Variants in CDH6 observed in about 807,000 individuals in gnomAD.
The protein encoded by CDH6 is cadherin-6.
In CDH6, 31 loss-of-function variants were observed where a neutral mutation model predicts 78.0. That is an observed-to-expected ratio of 0.40 (90% CI 0.30 to 0.54). The LOEUF is 0.54. Among genes scored for constraint, CDH6 ranks in the 20% least tolerant of loss-of-function variants. CDH6 has a pLI of 0.56. For synonymous variants in CDH6, 376 were observed against 368.8 expected (o/e 1.02, Z -0.23); for missense variants, 724 against 975.9 (o/e 0.74, Z 3.44).
chr5:31,252,516 T>C (rs1309370123), intron 1 of CDH6, among the ~76,000 whole-genome samples: 2 of 152,214 alleles, frequency 1.3e-5, no homozygotes, highest in African/African-American at 4.8e-5. Flanking sequence ...CAGTAGTTTA[T>C]AGAGCTAAAT....
chr5:31,270,395 T>A (rs1045441520), intron 2 of CDH6, among the ~76,000 whole-genome samples: 2 of 152,128 alleles, frequency 1.3e-5, no homozygotes, highest in Admixed American at 6.5e-5. Context: ...ACAAAAAAAA[T>A]TATTTCACTC....
chr5:31,258,403 C>T (rs1401754956), intron 1 of CDH6, among the ~76,000 whole-genome samples: 1 of 152,072 alleles, frequency 6.6e-6, no homozygotes, highest in African/African-American at 2.4e-5. Flanking sequence ...AACCAAACAC[C>T]GCATGTTCTC....
intron 9 of CDH6, among the ~76,000 whole-genome samples, chr5:31,316,560 T>G (rs1895118): frequency 1.9e-3 from 290 of 152,356 alleles, no homozygotes; most frequent in African/African-American, 6.3e-3. Flanking sequence ...CTTAAGTTTT[T>G]ATTAAATAGA....
intron 2 of CDH6, among the ~76,000 whole-genome samples, chr5:31,292,742 A>G (rs1234008339): frequency 8.1e-6 from 1 of 123,914 alleles, no homozygotes; most frequent in Non-Finnish European, 1.6e-5. Flanking sequence ...AAACCTGCAG[A>G]CTGAATATAT....
intron 2 of CDH6, among the ~76,000 whole-genome samples, chr5:31,288,279 A>T (rs1196684792): frequency 6.6e-6 from 1 of 152,240 alleles, no homozygotes; most frequent in Non-Finnish European, 1.5e-5. Flanking sequence ...AATTGGTAAA[A>T]TAATCATCAC....
chr5:31,215,101 A>G (rs1237064952), intron 1 of CDH6, among the ~76,000 whole-genome samples: 1 of 152,206 alleles, frequency 6.6e-6, no homozygotes, highest in Non-Finnish European at 1.5e-5. Flanking sequence ...AGTAAGCACA[A>G]TCAACTAGTT....
At chr5:31,284,320 G>C (rs1166500198) in intron 2 of CDH6, among the ~76,000 whole-genome samples, 1 of 152,186 alleles carries the variant, frequency 6.6e-6, no homozygotes, top group Non-Finnish European at 1.5e-5. Context: ...AGTTTGTATG[G>C]TAGGACATTC....
chr5:31,264,772 T>A (rs1364233628), intron 1 of CDH6, among the ~76,000 whole-genome samples: 2 of 152,184 alleles, frequency 1.3e-5, no homozygotes, highest in South Asian at 4.1e-4. Context: ...TGTAGCAAAA[T>A]TAGATGTTGT....
chr5:31,226,258 T>C (rs1561031481), intron 1 of CDH6, among the ~76,000 whole-genome samples: 2 of 152,112 alleles, frequency 1.3e-5, no homozygotes, highest in African/African-American at 4.8e-5. Context: ...CACTGCAACC[T>C]CCCCTTCCCA....
intron 6 of CDH6, 128 bp downstream of exon 6, chr5:31,302,426 A>G (rs1174267762): frequency 1.3e-6 from 1 of 777,674 alleles, no homozygotes; most frequent in Admixed American, 3.0e-5. Context: ...TTATTTTCAG[A>G]AAAATGCCAG....
chr5:31,305,167 C>T lies in CDH6; in HGVS notation c.1000-7C>T. 6.2e-7 allele frequency: 1 copy of T among 1,606,310 alleles called. No homozygotes were observed. The highest frequency in any genetic ancestry group is 1.1e-5 in the South Asian group (1 of 89,786). On this transcript the variant is annotated splice_region_variant and splice_polypyrimidine_tract_variant and intron_variant, in intron 6 of 11. Coordinates refer to ENST00000265071, the MANE Select transcript of CDH6 (RefSeq NM_004932.4). The stretch of plus-strand genomic sequence containing the variant: ...ATGTCACTTCTTCCCCCACCCCCAA[C>T]CTCAAGCTCTTGGACTTTGAAAAGA...
Position 31,282,880 on chromosome 5 carries a change from A to G in CDH6, c.229-11082A>G, listed in dbSNP as rs78738046. ...CAGGGGTTATTAAATGTAACAAAAA[A>G]CAAAAAATTGAATTGAGTAGGGTTA... is the stretch of plus-strand genomic sequence containing the variant. On this transcript the variant is annotated intron_variant, in intron 2 of 11. Transcript: ENST00000265071. Among the ~76,000 whole-genome samples the G allele has an allele frequency of 9.9e-4, 151 of 152,342 alleles. 3 individuals carry two copies. The East Asian group carries it at 0.028, about 28-fold the overall frequency.
intron 2 of CDH6, 100 bp downstream of exon 2, chr5:31,267,801 T>A (rs1742404985): frequency 3.4e-6 from 3 of 879,262 alleles, no homozygotes; most frequent in African/African-American, 1.7e-5. Context: ...CCCAATATAG[T>A]AAGAATTGTT....
At chr5:31,234,148 T>C (rs1453652694) in intron 1 of CDH6, among the ~76,000 whole-genome samples, 1 of 152,220 alleles carries the variant, frequency 6.6e-6, no homozygotes, top group Admixed American at 6.5e-5. Flanking sequence ...TGTAGCCTCA[T>C]AACAATTGTA....
intron 1 of CDH6, among the ~76,000 whole-genome samples, chr5:31,243,652 C>G (rs1054160449): frequency 6.6e-6 from 1 of 152,172 alleles, no homozygotes; most frequent in African/African-American, 2.4e-5. Flanking sequence ...AGAACAACTT[C>G]TCTCCTGGGA....
At chr5:31,245,222 A>T (rs1483898749) in intron 1 of CDH6, among the ~76,000 whole-genome samples, 2 of 152,240 alleles carry the variant, frequency 1.3e-5, no homozygotes, top group African/African-American at 4.8e-5. Flanking sequence ...CTACCAACTA[A>T]GGAAGGCCTA....
intron 7 of CDH6, among the ~76,000 whole-genome samples, chr5:31,311,364 C>T (rs1455740477): frequency 2.0e-5 from 3 of 152,202 alleles, no homozygotes; most frequent in African/African-American, 7.2e-5. Flanking sequence ...CTGGACTTCA[C>T]TGTCCATATC....
intron 9 of CDH6, 72 bp downstream of exon 9, chr5:31,316,401 TCA>T: frequency 7.5e-7 from 1 of 1,337,386 alleles, no homozygotes; most frequent in South Asian, 1.3e-5. Flanking sequence ...TTCAGATGAT[TCA>T]CAGAGCTGAA....
rs1181356923 is a variant in CDH6 at position 31,328,528 on chromosome 5, T to C, written c.*5220T>C. On this transcript the variant is annotated 3_prime_UTR_variant, in exon 12 of 12. Coordinates refer to ENST00000265071, the MANE Select transcript of CDH6 (RefSeq NM_004932.4). ...CACTGTAATGTTTGGTTTGAGATTA[T>C]TTTCATTGCTTTGAGAGTGAACTGC... 1.4e-5 allele frequency: 3 copies of C among 206,932 alleles called. No homozygotes were observed. The highest frequency in any genetic ancestry group is 5.9e-5 in the Admixed American group (1 of 16,836). 12.8% of individuals were successfully genotyped at this position (206,932 alleles called of 1,614,324 possible).
Sources: gnomAD v4.1 joint callset for allele counts (sites outside exome capture counted in the v4.1 genomes callset) on GRCh38, gnomAD v4.1.1 for gene constraint, MANE v1.5 for transcripts, NCBI Gene and HGNC (gene_info 2026-07-23, HGNC 2026-07-21) for gene names.